The following TRAPPC9 variants were observed in gnomAD, a reference collection of about 807,000 sequenced individuals.
The protein encoded by TRAPPC9 is trafficking protein particle complex subunit 9.
Under a neutral mutation model 124.0 loss-of-function variants are expected in TRAPPC9, and 83 were observed. The observed-to-expected ratio is 0.67, with a 90% confidence interval of 0.56 to 0.80. The LOEUF (loss-of-function observed/expected upper bound fraction) is 0.80, where lower values mean the gene tolerates loss of function less well. Ranked by LOEUF, TRAPPC9 falls within the 30% of genes least tolerant of loss-of-function variation. The pLI is 0.00. For synonymous variants in TRAPPC9, 638 were observed against 617.5 expected, an observed-to-expected ratio of 1.03 and a Z score of -0.49; for missense variants, 1,302 against 1,508.3, an observed-to-expected ratio of 0.86 and a Z score of 2.27.
At chr8:140,002,657 G>A (rs945720775) in intron 18 of TRAPPC9, among the ~76,000 whole-genome samples, 1 of 151,944 alleles carries the variant, frequency 6.6e-6, no homozygotes, top group African/African-American at 2.4e-5. Flanking sequence ...TTACTACAAG[G>A]TACACTAATC....
chr8:140,123,732 A>C (rs1352781577), intron 17 of TRAPPC9, among the ~76,000 whole-genome samples: 2 of 152,250 alleles, frequency 1.3e-5, no homozygotes, highest in Non-Finnish European at 2.9e-5. Context: ...CACAAGAGTA[A>C]GAACAATCGG....
intron 21 of TRAPPC9, among the ~76,000 whole-genome samples, chr8:139,861,500 T>C (rs545737552): frequency 5.9e-5 from 9 of 152,106 alleles, no homozygotes; most frequent in Non-Finnish European, 1.0e-4. Flanking sequence ...ACTAGGACTG[T>C]TGGGAAAGTT....
intron 17 of TRAPPC9, among the ~76,000 whole-genome samples, chr8:140,081,799 T>C (rs1027931965): frequency 1.3e-5 from 2 of 152,200 alleles, no homozygotes; most frequent in African/African-American, 4.8e-5. Context: ...TGCTATTCTC[T>C]CAAGACAAGG....
At chr8:140,385,335 G>A (rs1166911876) in intron 7 of TRAPPC9, among the ~76,000 whole-genome samples, 1 of 152,152 alleles carries the variant, frequency 6.6e-6, no homozygotes, top group Admixed American at 6.6e-5. Flanking sequence ...AGAACTGAAG[G>A]AGATAGAGAC....
chr8:139,934,783 T>G (rs1833408014), intron 19 of TRAPPC9, among the ~76,000 whole-genome samples: 1 of 152,042 alleles, frequency 6.6e-6, no homozygotes, highest in South Asian at 2.1e-4. Flanking sequence ...TTCGCTCAGA[T>G]AGGGGACATG....
At chr8:139,955,817 A>G (rs1250452590) in intron 19 of TRAPPC9, among the ~76,000 whole-genome samples, 1 of 152,102 alleles carries the variant, frequency 6.6e-6, no homozygotes, top group Non-Finnish European at 1.5e-5. Flanking sequence ...GGAATCCTCA[A>G]ATAGGTCCCA....
intron 19 of TRAPPC9, among the ~76,000 whole-genome samples, chr8:139,967,573 C>T (rs1835784563): frequency 6.6e-6 from 1 of 152,212 alleles, no homozygotes; most frequent in Admixed American, 6.5e-5. Context: ...TGACACTAGG[C>T]ATATGCTGTG....
At chr8:139,856,079 G>A (rs964484552) in intron 21 of TRAPPC9, among the ~76,000 whole-genome samples, 2 of 152,170 alleles carry the variant, frequency 1.3e-5, no homozygotes, top group Non-Finnish European at 2.9e-5. Context: ...CAGGCTGTGT[G>A]GGAGGGTGAC....
At chr8:139,739,112 G>GACCGGGC (rs2130042021) in intron 21 of TRAPPC9, among the ~76,000 whole-genome samples, 1 of 152,202 alleles carries the variant, frequency 6.6e-6, no homozygotes, top group African/African-American at 2.4e-5. Flanking sequence ...CTGACATCTC[G>GACCGGGC]ACCGGGCACC....
chr8:139,970,484 C>T (rs906500039), intron 19 of TRAPPC9, among the ~76,000 whole-genome samples: 4 of 152,094 alleles, frequency 2.6e-5, no homozygotes, highest in South Asian at 2.1e-4. Flanking sequence ...CTGGGAGAAG[C>T]GGGAGCCAGT....
chr8:139,996,158 CAAAAAAAAAA>C, intron 18 of TRAPPC9, among the ~76,000 whole-genome samples: 51 of 19,432 alleles, frequency 2.6e-3, no homozygotes, highest in Admixed American at 5.1e-3. Context: ...AAAACTTAAG[CAAAAAAAAAA>C]AAAAAAAAAA....
At chr8:140,415,605 T>A (rs1271739267) in intron 5 of TRAPPC9, among the ~76,000 whole-genome samples, 1 of 151,572 alleles carries the variant, frequency 6.6e-6, no homozygotes, top group South Asian at 2.1e-4. Context: ...AAAAAAGCCA[T>A]AATATACTAA....
intron 21 of TRAPPC9, among the ~76,000 whole-genome samples, chr8:139,754,858 C>T (rs1819587695): frequency 6.6e-6 from 1 of 152,370 alleles, no homozygotes; most frequent in South Asian, 2.1e-4. Flanking sequence ...GGCCCCACCA[C>T]TTACTGAGTG....
intron 17 of TRAPPC9, among the ~76,000 whole-genome samples, chr8:140,173,533 G>A (rs1467517156): frequency 1.9e-4 from 25 of 133,922 alleles, no homozygotes; most frequent in Admixed American, 1.1e-3. Flanking sequence ...CAGCCTGGGC[G>A]ACAGAGCAAG....
chr8:140,368,296 G>A lies in TRAPPC9; in HGVS notation c.1351+2668C>T, dbSNP rs146617825. ...GCAGGGACGTCTTGGTTCTTGCTTT[G>A]TGCTGGACACCATTCACATGTTGAG... On this transcript the variant is annotated intron_variant, in intron 8 of 22. Transcript: ENST00000438773. Among the ~76,000 whole-genome samples the A allele has an allele frequency of 5.0e-4, 76 of 152,272 alleles. No homozygotes were observed. The East Asian group carries it at 0.01, about 20-fold the overall frequency.
rs1293816014 is a variant in TRAPPC9, at chr8:139,788,532, A to G, written c.3056-56330T>C. Among the ~76,000 whole-genome samples the G allele has an allele frequency of 6.6e-6, 1 of 152,158 alleles. No homozygotes were observed. The highest frequency in any genetic ancestry group is 2.4e-5 in the African/African-American group (1 of 41,448). The stretch of plus-strand genomic sequence containing the variant: ...ATCGGGCGGCCCATGGTCCTGGGGC[A>G]TGGCAGCTGCTCAGGCAGTGCCAGC... On this transcript the variant is annotated intron_variant, in intron 21 of 22. Coordinates refer to ENST00000438773, the MANE Select transcript of TRAPPC9 (RefSeq NM_001160372.4). The surrounding 1 kb of genome is among the most constrained non-coding windows in gnomAD (Gnocchi z 4.9).
intron 17 of TRAPPC9, among the ~76,000 whole-genome samples, chr8:140,165,411 T>TGCCTGTAG (rs11283318): frequency 0.58 from 87,620 of 150,152 alleles, 26,153 homozygotes; most frequent in East Asian, 0.99. Flanking sequence ...TGGTGGTGCA[T>TGCCTGTAG]GCCTGTAGGC....
chr8:140,322,841 A>G (rs969762181), intron 9 of TRAPPC9, among the ~76,000 whole-genome samples: 1 of 152,192 alleles, frequency 6.6e-6, no homozygotes, highest in African/African-American at 2.4e-5. Flanking sequence ...CTGTCTCAAA[A>G]AACAAAAAAG....
chr8:140,019,977 G>A (rs1839731594), intron 18 of TRAPPC9, among the ~76,000 whole-genome samples: 1 of 152,028 alleles, frequency 6.6e-6, no homozygotes, highest in Admixed American at 6.6e-5. Context: ...GGACTATAGG[G>A]ATGTCCCATC....
Sources: gnomAD v4.1 joint callset for allele counts (sites outside exome capture counted in the v4.1 genomes callset) on GRCh38, gnomAD v4.1.1 for gene constraint, Gnocchi (gnomAD v3.1) non-coding constraint, MANE v1.5 for transcripts, NCBI Gene and HGNC (gene_info 2026-07-23, HGNC 2026-07-21) for gene names.